Variants in UNC5C observed in about 807,000 individuals in gnomAD.
The protein encoded by UNC5C is unc-5 netrin receptor C, also known as netrin receptor UNC5C.
UNC5C carries 47 observed loss-of-function variants against 99.8 expected under a neutral mutation model. The observed-to-expected ratio is 0.47, with a 90% CI of 0.37 to 0.60. The LOEUF is 0.60. Ranked by LOEUF, UNC5C falls within the 20% of genes least tolerant of loss-of-function variation. UNC5C has a pLI of 0.00. For missense variants in UNC5C, 1,062 were observed against 1,165.9 expected, an observed-to-expected ratio of 0.91 and a Z score of 1.30; for synonymous variants, 487 against 452.2, an observed-to-expected ratio of 1.08 and a Z score of -0.98.
chr4:95,244,672 C>A (rs981985404), intron 6 of UNC5C, among the ~76,000 whole-genome samples: 13 of 152,170 alleles, frequency 8.5e-5, no homozygotes, highest in African/African-American at 3.1e-4. Context: ...CAGTGCCATT[C>A]AAATCCTTTG....
intron 1 of UNC5C, among the ~76,000 whole-genome samples, chr4:95,382,349 T>G (rs756149539): frequency 4.0e-5 from 6 of 151,758 alleles, no homozygotes; most frequent in Admixed American, 3.3e-4. Context: ...GGCATGCGCA[T>G]GTACTCCCTG....
chr4:95,496,553 TC>T lies in UNC5C; in HGVS notation c.124+52180del, dbSNP rs547489061. On this transcript the variant is annotated intron_variant, in intron 1 of 15. Transcript: ENST00000453304. ...TAACAAAAGAATCACTTTTAGTTCA[TC>T]CTAGGTTTTAAAACAGACATTCTTT... Among the ~76,000 whole-genome samples the T allele has an allele frequency of 3.3e-3, 507 of 152,006 alleles. 1 individual carries two copies. Among genetic ancestry groups the T allele is most frequent in the Non-Finnish European group, 4.3e-3 (290 of 67,872 alleles).
intron 10 of UNC5C, 172 bp downstream of exon 10, chr4:95,215,952 C>G (rs916506549): frequency 4.0e-6 from 2 of 506,266 alleles, no homozygotes; most frequent in Non-Finnish European, 6.9e-6. Context: ...CGTCTGGAGC[C>G]TCAAAGACAA....
intron 1 of UNC5C, among the ~76,000 whole-genome samples, chr4:95,445,126 A>AT: frequency 6.6e-6 from 1 of 152,120 alleles, no homozygotes; most frequent in Non-Finnish European, 1.5e-5. Context: ...TTGCTTTTCT[A>AT]TTTTTGTAAT....
At chr4:95,502,181 T>C (rs533711990) in intron 1 of UNC5C, among the ~76,000 whole-genome samples, 3 of 152,310 alleles carry the variant, frequency 2.0e-5, no homozygotes, top group African/African-American at 7.2e-5. Context: ...GTGTGATTGG[T>C]TGCAACAATG....
chr4:95,237,977 G>A (rs899200259), intron 7 of UNC5C, among the ~76,000 whole-genome samples: 2 of 152,152 alleles, frequency 1.3e-5, no homozygotes, highest in Admixed American at 6.5e-5. Context: ...GGAAGTCAGA[G>A]GTTGCAGTGA....
intron 14 of UNC5C, among the ~76,000 whole-genome samples, chr4:95,170,759 G>A (rs1193402618): frequency 6.6e-6 from 1 of 152,206 alleles, no homozygotes; most frequent in African/African-American, 2.4e-5. Context: ...AAGGCTTCTG[G>A]AAACAGCCTG....
At chr4:95,268,538 T>A (rs1354173406) in intron 4 of UNC5C, among the ~76,000 whole-genome samples, 2 of 152,196 alleles carry the variant, frequency 1.3e-5, no homozygotes, top group Non-Finnish European at 2.9e-5. Context: ...TTGTTAACCC[T>A]ATGATTGGTT....
chr4:95,519,935 T>C (rs1462862759), intron 1 of UNC5C, among the ~76,000 whole-genome samples: 1 of 152,068 alleles, frequency 6.6e-6, no homozygotes, highest in African/African-American at 2.4e-5. Flanking sequence ...CCCAAAAGAG[T>C]CATTAACCCA....
At chr4:95,475,532 CAGAT>C (rs77002975) in intron 1 of UNC5C, among the ~76,000 whole-genome samples, 38 of 136,468 alleles carry the variant, frequency 2.8e-4, no homozygotes, top group Non-Finnish European at 4.1e-4. Flanking sequence ...GAAAGACAGA[CAGAT>C]AGACAGACAG....
chr4:95,476,369 T>C (rs1416681052), intron 1 of UNC5C, among the ~76,000 whole-genome samples: 6 of 152,080 alleles, frequency 3.9e-5, no homozygotes, highest in African/African-American at 1.4e-4. Context: ...CTCCACAGGG[T>C]ACTTTGCAGT....
At chr4:95,363,202 C>T (rs375836411) in intron 1 of UNC5C, among the ~76,000 whole-genome samples, 2 of 152,120 alleles carry the variant, frequency 1.3e-5, no homozygotes, top group East Asian at 3.9e-4. Flanking sequence ...GAGTCTCTGG[C>T]AGACAGCTGC....
At chr4:95,446,495 A>G (rs1013469064) in intron 1 of UNC5C, among the ~76,000 whole-genome samples, 4 of 152,200 alleles carry the variant, frequency 2.6e-5, no homozygotes, top group Non-Finnish European at 5.9e-5. Context: ...CAGGGCGAGG[A>G]AACAAGTAAG....
intron 1 of UNC5C, among the ~76,000 whole-genome samples, chr4:95,448,492 A>G (rs1193963569): frequency 3.3e-5 from 5 of 152,166 alleles, no homozygotes; most frequent in African/African-American, 9.7e-5. Flanking sequence ...ATATGAAATC[A>G]ATTTTAAATT....
At chr4:95,316,301 G>C (rs376833920) in intron 2 of UNC5C, among the ~76,000 whole-genome samples, 189 of 152,164 alleles carry the variant, frequency 1.2e-3, no homozygotes, top group African/African-American at 4.4e-3. Context: ...TACTGCAAAG[G>C]AAATAATAAA....
intron 12 of UNC5C, among the ~76,000 whole-genome samples, chr4:95,201,036 C>G (rs1737634547): frequency 6.6e-6 from 1 of 152,186 alleles, no homozygotes; most frequent in African/African-American, 2.4e-5. Context: ...CGTGAGGACA[C>G]AGCAAAATGT....
intron 5 of UNC5C, among the ~76,000 whole-genome samples, chr4:95,249,876 T>C (rs1413868682): frequency 1.3e-5 from 2 of 152,196 alleles, no homozygotes; most frequent in African/African-American, 4.8e-5. Flanking sequence ...TAGAATGAGT[T>C]ATAAGAAGCT....
At chr4:95,344,406 A>AT (rs1743692902) in intron 1 of UNC5C, among the ~76,000 whole-genome samples, 1 of 152,132 alleles carries the variant, frequency 6.6e-6, no homozygotes, top group Admixed American at 6.6e-5. Flanking sequence ...AAGCTTAGAG[A>AT]TTTTATCAAC....
At chr4:95,407,099 TG>T (rs1229084843) in intron 1 of UNC5C, among the ~76,000 whole-genome samples, 1 of 151,992 alleles carries the variant, frequency 6.6e-6, no homozygotes, top group Admixed American at 6.5e-5. Context: ...ACAAAGAGAA[TG>T]GGAGAGTAGA....
Sources: gnomAD v4.1 joint callset for allele counts (sites outside exome capture counted in the v4.1 genomes callset) on GRCh38, gnomAD v4.1.1 for gene constraint, MANE v1.5 for transcripts, NCBI Gene and HGNC (gene_info 2026-07-23, HGNC 2026-07-21) for gene names.